RNF115: variants seen among roughly 807,000 people sequenced by gnomAD.
RNF115 encodes ring finger protein 115.
Under a neutral mutation model 39.2 loss-of-function variants are expected in RNF115, and 31 were observed. The ratio of observed to expected loss-of-function variants is 0.79; its 90% CI spans 0.59 to 1.07. RNF115 has a LOEUF of 1.07. RNF115 is among the 50% of genes least tolerant of loss of function. RNF115 has a pLI of 0.00. For missense variants in RNF115, 384 were observed against 381.7 expected, an observed-to-expected ratio of 1.01 and a Z score of -0.05; for synonymous variants, 124 against 131.0, an observed-to-expected ratio of 0.95 and a Z score of 0.37.
At chr1:145,770,597 C>T (rs1485436408) in intron 4 of RNF115, among the ~76,000 whole-genome samples, 1 of 152,094 alleles carries the variant, frequency 6.6e-6, no homozygotes, top group Non-Finnish European at 1.5e-5. Flanking sequence ...AAGACAATGT[C>T]GCACTAGATT....
At chr1:145,812,292 T>C (rs190890749) in intron 1 of RNF115, among the ~76,000 whole-genome samples, 3,722 of 150,290 alleles carry the variant, frequency 0.025, 69 homozygotes, top group Non-Finnish European at 0.036. Flanking sequence ...ACTAAGAAGT[T>C]TCCTGTGACA....
chr1:145,779,408 C>G (rs1379504232), intron 3 of RNF115, among the ~76,000 whole-genome samples: 2 of 152,018 alleles, frequency 1.3e-5, no homozygotes, highest in Non-Finnish European at 2.9e-5. Flanking sequence ...CTCCTGGGCT[C>G]AAACAATCCG....
At position 145,751,507 on chromosome 1, in the gene RNF115, G is replaced by A; in HGVS notation, c.504C>T (p.Ser168=). ...CCCCAGGGTTGGAGTGCAGCATCCCGCTCCTATACGTGAGATGAGATAGAC... is the reference window on the plus strand; with the variant it reads ...CCCCAGGGTTGGAGTGCAGCATCCCACTCCTATACGTGAGATGAGATAGAC... ...IPGSPHPFSW[S]GMLHSNPGDY... The change falls in exon 6 of 9, where the codon AGC becomes AGT. Residue 168 remains serine, a synonymous_variant. Coordinates refer to ENST00000582693, the MANE Select transcript of RNF115 (RefSeq NM_014455.4). 3.8e-6 allele frequency: 6 copies of A among 1,593,854 alleles called. No individual in the cohort carries two copies. The highest frequency in any genetic ancestry group is 5.1e-6 in the Non-Finnish European group (6 of 1,168,522).
At chr1:145,754,886 T>G (rs1658240076) in intron 4 of RNF115, among the ~76,000 whole-genome samples, 1 of 152,114 alleles carries the variant, frequency 6.6e-6, no homozygotes, top group South Asian at 2.1e-4. Flanking sequence ...CTGGACTTAG[T>G]GACTCACTTA....
chr1:145,814,710 T>C (rs587601045), intron 1 of RNF115, among the ~76,000 whole-genome samples: 1 of 152,272 alleles, frequency 6.6e-6, no homozygotes, highest in South Asian at 2.1e-4. Context: ...TTTTCTTCCT[T>C]ATACTGAAAA....
chr1:145,779,933 T>A (rs1217111344), intron 3 of RNF115, among the ~76,000 whole-genome samples: 1 of 151,368 alleles, frequency 6.6e-6, no homozygotes, highest in Non-Finnish European at 1.5e-5. Flanking sequence ...TTCTCATTTT[T>A]AAAAAAGCTT....
intron 7 of RNF115, among the ~76,000 whole-genome samples, chr1:145,749,303 G>C (rs184824362): frequency 6.6e-6 from 1 of 151,996 alleles, no homozygotes; most frequent in Admixed American, 6.6e-5. Context: ...CAAATTCCAC[G>C]GTCTTAACCC....
chr1:145,777,865 A>G, intron 3 of RNF115, among the ~76,000 whole-genome samples: 1 of 152,320 alleles, frequency 6.6e-6, no homozygotes, highest in Middle Eastern at 3.4e-3. Flanking sequence ...AATATCTTCC[A>G]TTTGGCAGAA....
chr1:145,766,789 CGG>C (rs1164074188), intron 4 of RNF115, among the ~76,000 whole-genome samples: 1 of 5,086 alleles, frequency 2.0e-4, no homozygotes, highest in Non-Finnish European at 6.3e-4. Flanking sequence ...GGCGGCTGGC[CGG>C]GGGGGGGGGG....
At chr1:145,765,550 C>A (rs1029082067) in intron 4 of RNF115, among the ~76,000 whole-genome samples, 3 of 152,136 alleles carry the variant, frequency 2.0e-5, no homozygotes, top group South Asian at 4.1e-4. Context: ...ACTAAACAAC[C>A]ATCTGATTGC....
Position 145,771,758 on chromosome 1 carries a change from G to A in RNF115, c.381C>T (p.Tyr127=), listed in dbSNP as rs1647652656. The A allele has an allele frequency of 6.2e-7, 1 of 1,614,142 alleles. No individual in the cohort carries two copies. Among genetic ancestry groups the A allele is most frequent in the African/African-American group, 1.3e-5 (1 of 75,044 alleles). The change falls in exon 4 of 9, where the codon TAC becomes TAT. Residue 127 remains tyrosine (Y), a synonymous_variant. Coordinates refer to ENST00000582693, the MANE Select transcript of RNF115 (RefSeq NM_014455.4). ...CAGGACGAGAACTTCCTCGAGATCT[G>A]TATCTCCGACCCAATGGCAACCGTG... ...RPPRLPLGRR[Y]RSRGSSRPDR... is the part of the protein sequence containing the mutation.
At chr1:145,778,456 T>G (rs1647976638) in intron 3 of RNF115, among the ~76,000 whole-genome samples, 1 of 152,160 alleles carries the variant, frequency 6.6e-6, no homozygotes, top group Non-Finnish European at 1.5e-5. Context: ...AGCTGTACAC[T>G]TTAACAGGGT....
At chr1:145,759,222 A>C (rs941015103) in intron 4 of RNF115, among the ~76,000 whole-genome samples, 9 of 152,140 alleles carry the variant, frequency 5.9e-5, no homozygotes, top group Non-Finnish European at 1.3e-4. Context: ...TTCTTTGACC[A>C]CTTTATCCAG....
chr1:145,781,212 TAATATA>T, intron 3 of RNF115, among the ~76,000 whole-genome samples: 1 of 152,182 alleles, frequency 6.6e-6, no homozygotes, highest in Non-Finnish European at 1.5e-5. Flanking sequence ...AAGCCTCTTC[TAATATA>T]GACAGTATTT....
At chr1:145,787,623 ATG>A (rs1553718310) in intron 2 of RNF115, among the ~76,000 whole-genome samples, 7 of 151,074 alleles carry the variant, frequency 4.6e-5, no homozygotes. Context: ...ACGGTGGCTC[ATG>A]CCTGTAATCC....
intron 2 of RNF115, 117 bp from the exon 3 acceptor site, chr1:145,784,713 C>T: frequency 1.3e-6 from 1 of 744,444 alleles, no homozygotes; most frequent in East Asian, 2.6e-5. Context: ...TAACTCATCC[C>T]AACACAACAC....
At chr1:145,800,307 T>C (rs1191695486) in intron 1 of RNF115, among the ~76,000 whole-genome samples, 2 of 152,198 alleles carry the variant, frequency 1.3e-5, no homozygotes, top group Non-Finnish European at 2.9e-5. Flanking sequence ...GTGAGGTAAA[T>C]ATTGTTATTG....
intron 4 of RNF115, among the ~76,000 whole-genome samples, chr1:145,760,208 C>G (rs1217764978): frequency 1.3e-5 from 2 of 152,078 alleles, no homozygotes; most frequent in Non-Finnish European, 2.9e-5. Context: ...GAGGCCAAGA[C>G]AGGAATACAA....
chr1:145,815,488 G>C (rs1218790616), intron 1 of RNF115, among the ~76,000 whole-genome samples: 1 of 152,262 alleles, frequency 6.6e-6, no homozygotes, highest in East Asian at 1.9e-4. Context: ...ATCACATAAG[G>C]TAACATTCCC....
Sources: gnomAD v4.1 joint callset for allele counts (sites outside exome capture counted in the v4.1 genomes callset) on GRCh38, gnomAD v4.1.1 for gene constraint, MANE v1.5 for transcripts, NCBI Gene and HGNC (gene_info 2026-07-23, HGNC 2026-07-21) for gene names.